ABR: variants seen among roughly 807,000 people sequenced by gnomAD.
ABR encodes active breakpoint cluster region-related protein.
A neutral mutation model predicts 107.2 loss-of-function variants in ABR; 35 were observed. That is an observed-to-expected ratio of 0.33 (90% CI 0.25 to 0.43). The LOEUF is 0.43. Ranked by LOEUF, ABR falls within the 20% of genes least tolerant of loss-of-function variation. The probability of loss-of-function intolerance (pLI) is 1.00; values close to 1 mark genes in which losing one functional copy is unlikely to be tolerated. For missense variants in ABR, 815 were observed against 1,115.2 expected, an observed-to-expected ratio of 0.73 and a Z score of 3.83; for synonymous variants, 498 against 462.0, an observed-to-expected ratio of 1.08 and a Z score of -1.00.
At chr17:1,054,607 G>T (rs113696633) in intron 14 of ABR, among the ~76,000 whole-genome samples, 13,907 of 21,058 alleles carry the variant, frequency 0.66, 5,696 homozygotes, top group East Asian at 0.89. Context: ...GGGGATGGGG[G>T]CACAAGGAAC....
intron 2 of ABR, among the ~76,000 whole-genome samples, chr17:1,110,430 CG>C (rs1318163755): frequency 7.2e-5 from 11 of 152,200 alleles, no homozygotes; most frequent in Non-Finnish European, 1.6e-4. Context: ...TCACTCCAGC[CG>C]ATGGCTGCTG....
chr17:1,134,852 G>T (rs2039988030), intron 1 of ABR, among the ~76,000 whole-genome samples: 1 of 152,240 alleles, frequency 6.6e-6, no homozygotes, highest in Non-Finnish European at 1.5e-5. Flanking sequence ...TCCGAGGAGT[G>T]CCTGGCACAG....
chr17:1,045,652 T>C (rs1373176382), intron 16 of ABR, among the ~76,000 whole-genome samples: 1 of 152,224 alleles, frequency 6.6e-6, no homozygotes, highest in Non-Finnish European at 1.5e-5. Context: ...GAAGATCTCC[T>C]GAGACAGCAG....
intron 16 of ABR, among the ~76,000 whole-genome samples, chr17:1,038,614 C>T (rs939549865): frequency 3.9e-5 from 6 of 152,210 alleles, no homozygotes; most frequent in Non-Finnish European, 8.8e-5. Flanking sequence ...CTACAGGCTA[C>T]ACTGGGGCTT....
intron 6 of ABR, among the ~76,000 whole-genome samples, chr17:1,075,448 G>A (rs745613184): frequency 5.9e-5 from 9 of 152,226 alleles, no homozygotes; most frequent in South Asian, 2.1e-4. Flanking sequence ...TAAATACCCC[G>A]TGCGCGGCTA....
At chr17:1,058,685 G>C in intron 11 of ABR, 60 bp downstream of exon 11, 1 of 1,586,648 alleles carries the variant, frequency 6.3e-7, no homozygotes. Context: ...AGGAGCCACA[G>C]AGTGGGCTGC....
intron 1 of ABR, among the ~76,000 whole-genome samples, chr17:1,149,626 C>T (rs2040713926): frequency 6.6e-6 from 1 of 152,022 alleles, no homozygotes. Context: ...CCATGTTGGC[C>T]AGCTGGTCTC....
Position 1,053,355 on chromosome 17 carries a change from G to C in ABR, c.1561+2680C>G, listed in dbSNP as rs2032793906. ...GAGGGTTCGAGAAGGGGCTGGGGGA[G>C]GGCTCACAGGGTCAGAGGGAGGGTT... is the stretch of plus-strand genomic sequence containing the variant. On this transcript the variant is annotated intron_variant, in intron 14 of 22. Coordinates refer to ENST00000302538, the MANE Select transcript of ABR (RefSeq NM_021962.5). 3.8e-5 allele frequency among the ~76,000 whole-genome samples: 4 copies of C among 106,438 alleles called. 1 individual carries two copies. Among genetic ancestry groups the C allele is most frequent in the East Asian group, 2.9e-4 (1 of 3,436 alleles). The allele number at this position is 106,438 out of a possible 152,430, so 69.8% of individuals were successfully genotyped here. A position where few individuals can be genotyped will look rare whatever the true frequency, so the allele number is the denominator to read the frequency against.
At chr17:1,102,458 C>G (rs1275478597) in intron 2 of ABR, among the ~76,000 whole-genome samples, 1 of 152,230 alleles carries the variant, frequency 6.6e-6, no homozygotes, top group African/African-American at 2.4e-5. Flanking sequence ...GCAGGGGCTT[C>G]CGATCTTTTG....
chr17:1,029,946 G>A (rs556017912), intron 16 of ABR, among the ~76,000 whole-genome samples: 27 of 151,720 alleles, frequency 1.8e-4, no homozygotes, highest in African/African-American at 5.6e-4. Flanking sequence ...CTGCGTCCAC[G>A]ACACGGACAC....
intron 1 of ABR, chr17:1,155,006 G>A (rs34291514): frequency 0.07 from 10,610 of 151,952 alleles, 454 homozygotes; most frequent in Middle Eastern, 0.15. Context: ...ATCCCTTCCC[G>A]GGCGCCCTGG....
Position 1,196,556 on chromosome 17 carries a change from T to C in ABR, c.838+32237A>G, listed in dbSNP as rs546488581. 1.4e-4 allele frequency among the ~76,000 whole-genome samples: 21 copies of C among 151,978 alleles called. No homozygotes were observed. In the South Asian group the frequency reaches 3.1e-3, roughly 23 times the overall value. On this transcript the variant is annotated intron_variant, in intron 1 of 22. Transcript: ENST00000574139. ...CCTCACCCACCCCCTCCCTAAATGT[T>C]GATGACTCTGTTGCCCTGGGCTTAC...
chr17:1,215,270 G>T (rs1228759725), intron 1 of ABR, among the ~76,000 whole-genome samples: 1 of 151,140 alleles, frequency 6.6e-6, no homozygotes, highest in Non-Finnish European at 1.5e-5. Context: ...CTCTCTCCAC[G>T]GTCTCCCTCT....
intron 16 of ABR, among the ~76,000 whole-genome samples, chr17:1,041,045 G>A (rs770420257): frequency 8.5e-5 from 13 of 152,062 alleles, no homozygotes; most frequent in African/African-American, 2.7e-4. Context: ...TCAGCCTCCC[G>A]AGTAGCTGGG....
chr17:1,161,100 C>A (rs1567843778), intron 1 of ABR, among the ~76,000 whole-genome samples: 1 of 152,028 alleles, frequency 6.6e-6, no homozygotes, highest in Non-Finnish European at 1.5e-5. Flanking sequence ...AGTCTCATCT[C>A]CTTCCCAGCA....
At chr17:1,033,252 G>T (rs969473786) in intron 16 of ABR, among the ~76,000 whole-genome samples, 4 of 152,226 alleles carry the variant, frequency 2.6e-5, no homozygotes, top group South Asian at 2.1e-4. Flanking sequence ...AGAGGCCTTG[G>T]TGTTTTTGAG....
chr17:1,172,029 C>A (rs2041732812), intron 1 of ABR, among the ~76,000 whole-genome samples: 2 of 152,240 alleles, frequency 1.3e-5, no homozygotes, highest in South Asian at 4.1e-4. Flanking sequence ...CAGGCTGACT[C>A]TGACATTTTC....
At chr17:1,202,737 A>G (rs2042693316) in intron 1 of ABR, among the ~76,000 whole-genome samples, 1 of 152,136 alleles carries the variant, frequency 6.6e-6, no homozygotes, top group Non-Finnish European at 1.5e-5. Context: ...AGGGTTAGGA[A>G]ACACTGCGGC....
rs140097387 is a variant in ABR, at chr17:1,062,125, C to A, written c.1183-3258G>T. ...GGTGAGGAAAACAGACCAAGCTGAC[C>A]AAACCGCTCCAGGCCCTTCCTCCAC... On this transcript the variant is annotated intron_variant, in intron 10 of 22. Transcript: ENST00000302538. 5.1e-4 allele frequency among the ~76,000 whole-genome samples: 77 copies of A among 152,272 alleles called. 4 individuals are homozygous for A. In the East Asian group the frequency reaches 0.012, roughly 24 times the overall value.
Sources: allele counts gnomAD v4.1 joint callset (sites outside exome capture counted in the v4.1 genomes callset), GRCh38; gene constraint gnomAD v4.1.1; transcripts MANE v1.5; gene names NCBI Gene and HGNC (gene_info 2026-07-23, HGNC 2026-07-21).